CUL1: variants seen among roughly 807,000 people sequenced by gnomAD.
CUL1 encodes the protein cullin-1.
CUL1 carries 24 observed loss-of-function variants against 118.0 expected under a neutral mutation model. The ratio of observed to expected loss-of-function variants is 0.20; its 90% CI spans 0.15 to 0.29. The LOEUF (loss-of-function observed/expected upper bound fraction) is 0.29. Among genes scored for constraint, CUL1 ranks in the 10% least tolerant of loss-of-function variants. CUL1 has a pLI of 1.00. For synonymous variants in CUL1, 332 were observed against 340.4 expected (o/e 0.98, Z 0.27); for missense variants, 361 against 933.8 (o/e 0.39, Z 7.99).
intron 14 of CUL1, among the ~76,000 whole-genome samples, 156 bp from the exon 15 acceptor site, chr7:148,789,594 G>C (rs1036815685): frequency 6.6e-6 from 1 of 152,130 alleles, no homozygotes; most frequent in African/African-American, 2.4e-5. Flanking sequence ...TGAATAAAAT[G>C]TTCAATTCTT....
chr7:148,750,666 C>T (rs1236643457), intron 2 of CUL1, among the ~76,000 whole-genome samples: 2 of 152,214 alleles, frequency 1.3e-5, no homozygotes, highest in South Asian at 4.1e-4. Context: ...TTCCATGCCA[C>T]CTAGGATTTT....
At chr7:148,788,726 C>A in intron 14 of CUL1, 52 bp downstream of exon 14, 2 of 1,189,972 alleles carry the variant, frequency 1.7e-6, no homozygotes, top group Non-Finnish European at 2.5e-6. Flanking sequence ...TTCTCTGTAG[C>A]AAATGAAGAA....
rs754022717 is a variant in CUL1 at position 148,800,495 on chromosome 7, C to T, written c.2251-7C>T. 6 of 1,609,912 alleles carry T rather than the reference C, an allele frequency of 3.7e-6. No homozygotes were observed. The highest frequency in any genetic ancestry group is 4.3e-6 in the Non-Finnish European group (5 of 1,176,468). On this transcript the variant is annotated splice_region_variant and splice_polypyrimidine_tract_variant and intron_variant, in intron 21 of 21. Coordinates refer to ENST00000325222, the MANE Select transcript of CUL1 (RefSeq NM_003592.3). This position sits in a 1 kb window ranked among gnomAD's most constrained non-coding sequence, Gnocchi z 4.6. ...ACTACCTCTTCCTTTTTAAAAATAA[C>T]ACCCAGAAATGCATTGACATTCTAA...
At position 148,715,598 on chromosome 7, in the gene CUL1, G is replaced by A. The variant is rs576524815; in HGVS notation, c.-161-14364G>A. The stretch of plus-strand genomic sequence containing the variant: ...GGAGGCAAGGGACTACTTTGCCCAC[G>A]TCCTTTAAGCACAAAATTTTAGTCC... On this transcript the variant is annotated intron_variant, in intron 1 of 21. Transcript: ENST00000325222. Among the ~76,000 whole-genome samples, 17 of 152,142 alleles carry A rather than the reference G, an allele frequency of 1.1e-4. No homozygotes were observed. In the South Asian group the frequency reaches 1.7e-3, roughly 15 times the overall value.
At chr7:148,767,147 C>T (rs2129460869) in intron 8 of CUL1, among the ~76,000 whole-genome samples, 1 of 152,300 alleles carries the variant, frequency 6.6e-6, no homozygotes, top group South Asian at 2.1e-4. Flanking sequence ...GTATACACGT[C>T]TTAAATCAAT....
intron 1 of CUL1, among the ~76,000 whole-genome samples, chr7:148,722,149 C>G (rs1163837772): frequency 6.6e-6 from 1 of 152,186 alleles, no homozygotes. Context: ...CCTGTCCAGT[C>G]TTGGGACCAT....
intron 17 of CUL1, among the ~76,000 whole-genome samples, chr7:148,796,800 C>G (rs1003640788): frequency 2.6e-5 from 4 of 152,170 alleles, no homozygotes; most frequent in Admixed American, 1.3e-4. Flanking sequence ...AGACCTGGCT[C>G]AGGAAGTGGG....
chr7:148,785,139 CTGAG>C (rs1800773039), intron 11 of CUL1, among the ~76,000 whole-genome samples: 1 of 152,096 alleles, frequency 6.6e-6, no homozygotes, highest in Non-Finnish European at 1.5e-5. Context: ...GTGAGAAACT[CTGAG>C]TGTTTGATTT....
intron 7 of CUL1, among the ~76,000 whole-genome samples, chr7:148,763,389 C>T (rs1350544701): frequency 1.3e-5 from 2 of 152,130 alleles, no homozygotes; most frequent in Admixed American, 6.5e-5. Flanking sequence ...GATGATAATG[C>T]AGAGAGTCTA....
chr7:148,768,378 C>CTTTTTTTTTTT (rs10595637), intron 9 of CUL1, among the ~76,000 whole-genome samples: 17 of 94,884 alleles, frequency 1.8e-4, no homozygotes, highest in African/African-American at 6.1e-4. Context: ...AAGAAAAGCT[C>CTTTTTTTTTTT]TTTTTTTTTT....
Position 148,764,675 on chromosome 7 carries a change from T to G in CUL1, c.790-1886T>G, listed in dbSNP as rs762918766. 3.9e-5 allele frequency among the ~76,000 whole-genome samples: 6 copies of G among 152,266 alleles called. 1 individual carries two copies. The highest frequency in any genetic ancestry group is 8.8e-5 in the Non-Finnish European group (6 of 68,044). On this transcript the variant is annotated intron_variant, in intron 7 of 21. Coordinates refer to ENST00000325222, the MANE Select transcript of CUL1 (RefSeq NM_003592.3). ...TGCTGTTTGGTTTGCATGTTCTATATTCCACCAGCTTTAGGTTCTTGAGTT... is the reference window on the plus strand; with the variant it reads ...TGCTGTTTGGTTTGCATGTTCTATAGTCCACCAGCTTTAGGTTCTTGAGTT...
At chr7:148,793,142 A>G (rs1222040732) in intron 17 of CUL1, among the ~76,000 whole-genome samples, 1 of 152,182 alleles carries the variant, frequency 6.6e-6, no homozygotes, top group African/African-American at 2.4e-5. Context: ...CGTGGGTGAC[A>G]GAGACCCTGT....
chr7:148,736,191 A>G (rs1365963094), intron 2 of CUL1, among the ~76,000 whole-genome samples: 1 of 152,182 alleles, frequency 6.6e-6, no homozygotes, highest in Non-Finnish European at 1.5e-5. Flanking sequence ...CAGGTTGACA[A>G]ACATTGTTAA....
intron 9 of CUL1, among the ~76,000 whole-genome samples, chr7:148,768,790 A>G (rs370660477): frequency 6.6e-6 from 1 of 152,176 alleles, no homozygotes; most frequent in South Asian, 2.1e-4. Context: ...AGCATTATCA[A>G]AAATAGTATT....
chr7:148,779,124 T>C (rs1472439936), intron 9 of CUL1, among the ~76,000 whole-genome samples: 2 of 152,218 alleles, frequency 1.3e-5, no homozygotes, highest in Non-Finnish European at 2.9e-5. Context: ...TATGTGAGAC[T>C]CTTAACGTGA....
intron 3 of CUL1, among the ~76,000 whole-genome samples, chr7:148,754,814 A>T (rs113968296): frequency 6.6e-6 from 1 of 151,392 alleles, no homozygotes; most frequent in East Asian, 1.9e-4. Flanking sequence ...TAGTGCAATC[A>T]TAGGTCATTG....
At chr7:148,699,390 G>A (rs1247316303) in intron 1 of CUL1, among the ~76,000 whole-genome samples, 1 of 152,122 alleles carries the variant, frequency 6.6e-6, no homozygotes, top group East Asian at 1.9e-4. Flanking sequence ...GGTTCTCGGA[G>A]GGTGGGCCGA....
intron 2 of CUL1, among the ~76,000 whole-genome samples, chr7:148,733,510 A>G (rs1348829899): frequency 2.0e-5 from 3 of 152,204 alleles, no homozygotes; most frequent in Non-Finnish European, 4.4e-5. Context: ...AGGTTGCATA[A>G]CAGAGCAGTT....
At chr7:148,766,795 ACT>A (rs1198366929) in intron 8 of CUL1, 72 bp downstream of exon 8, 39 of 1,318,304 alleles carry the variant, frequency 3.0e-5, no homozygotes, top group South Asian at 5.7e-5. Flanking sequence ...TTGATTCTAG[ACT>A]CTCGAGTCAA....
Sources: allele counts gnomAD v4.1 joint callset (sites outside exome capture counted in the v4.1 genomes callset), GRCh38; gene constraint gnomAD v4.1.1; non-coding constraint Gnocchi (gnomAD v3.1); transcripts MANE v1.5; gene names NCBI Gene and HGNC (gene_info 2026-07-23, HGNC 2026-07-21).